AGBL1: variants seen among roughly 807,000 people sequenced by gnomAD.
AGBL1 encodes AGBL carboxypeptidase 1.
Under a neutral mutation model 118.9 loss-of-function variants are expected in AGBL1, and 130 were observed. The observed-to-expected ratio is 1.09, with a 90% CI of 0.95 to 1.26. The LOEUF is 1.26. Among genes scored for constraint, AGBL1 ranks in the 50% most tolerant of loss-of-function variants. The pLI, the probability that AGBL1 is intolerant of heterozygous loss-of-function variation, is 0.00. For missense variants in AGBL1, 1,584 were observed against 1,298.1 expected, an observed-to-expected ratio of 1.22 and a Z score of -3.38; for synonymous variants, 555 against 478.9, an observed-to-expected ratio of 1.16 and a Z score of -2.08.
intron 7 of AGBL1, among the ~76,000 whole-genome samples, chr15:86,250,525 C>CAAAAAAAAA (rs60432449): frequency 7.7e-5 from 3 of 38,972 alleles, no homozygotes; most frequent in African/African-American, 1.9e-4. Flanking sequence ...GACTCTGTCT[C>CAAAAAAAAA]AAAAAAAAAA....
chr15:86,202,252 C>A (rs2077919432), intron 5 of AGBL1, among the ~76,000 whole-genome samples: 1 of 152,158 alleles, frequency 6.6e-6, no homozygotes, highest in Non-Finnish European at 1.5e-5. Context: ...AAGACTGTGC[C>A]ACTACACTTC....
At chr15:86,798,122 G>A (rs1334873024) in intron 22 of AGBL1, among the ~76,000 whole-genome samples, 1 of 152,162 alleles carries the variant, frequency 6.6e-6, no homozygotes, top group Non-Finnish European at 1.5e-5. Context: ...CCATTAGACT[G>A]CAGACCATAG....
At chr15:86,860,306 C>G (rs952858615) in intron 22 of AGBL1, among the ~76,000 whole-genome samples, 1 of 152,034 alleles carries the variant, frequency 6.6e-6, no homozygotes, top group South Asian at 2.1e-4. Context: ...CTAGACATAG[C>G]CATTATCATT....
rs916963135 is a variant in AGBL1 at position 86,700,353 on chromosome 15, T to C, written c.3158+25917T>C. Among the ~76,000 whole-genome samples the C allele has an allele frequency of 2.6e-5, 4 of 152,092 alleles. No homozygotes were observed. In the East Asian group the frequency reaches 7.7e-4, roughly 29 times the overall value. On this transcript the variant is annotated intron_variant, in intron 22 of 22. Coordinates refer to ENST00000614907, the MANE Select transcript of AGBL1 (RefSeq NM_001386094.1). ...TATGTTCTAGGTTCATCTTGTACAT[T>C]CCCCAATTCATCTCTAGAATCACCC...
At chr15:86,430,524 C>CT (rs1156422087) in intron 18 of AGBL1, among the ~76,000 whole-genome samples, 2 of 150,008 alleles carry the variant, frequency 1.3e-5, no homozygotes, top group African/African-American at 4.9e-5. Flanking sequence ...GTGTGTGTAA[C>CT]TTTTGCCAAG....
At chr15:86,230,576 C>T (rs138195405) in intron 6 of AGBL1, among the ~76,000 whole-genome samples, 22 of 152,166 alleles carry the variant, frequency 1.4e-4, no homozygotes, top group Non-Finnish European at 2.9e-4. Context: ...GAATGATGCC[C>T]CCAAAGTTTT....
chr15:86,182,826 C>A (rs1310841398), intron 5 of AGBL1, among the ~76,000 whole-genome samples: 2 of 151,906 alleles, frequency 1.3e-5, no homozygotes, highest in Non-Finnish European at 2.9e-5. Flanking sequence ...AAAAGGAAAC[C>A]CTAGTAGTAC....
chr15:86,635,040 T>TA (rs1327922304), intron 21 of AGBL1, among the ~76,000 whole-genome samples: 1 of 152,166 alleles, frequency 6.6e-6, no homozygotes, highest in Non-Finnish European at 1.5e-5. Context: ...ACAAAACTGA[T>TA]AAAATTGTTT....
intron 5 of AGBL1, among the ~76,000 whole-genome samples, chr15:86,162,796 C>G (rs996918937): frequency 1.3e-5 from 2 of 152,198 alleles, no homozygotes; most frequent in Non-Finnish European, 2.9e-5. Context: ...TTCCAGCCAG[C>G]TATCTCTGAG....
At chr15:87,021,175 A>G (rs1326721126) in intron 24 of AGBL1, among the ~76,000 whole-genome samples, 2 of 152,140 alleles carry the variant, frequency 1.3e-5, no homozygotes, top group South Asian at 2.1e-4. Flanking sequence ...GGAACAGAGT[A>G]GAGAACTCAG....
intron 21 of AGBL1, among the ~76,000 whole-genome samples, chr15:86,657,626 A>AC (rs2085481370): frequency 1.3e-5 from 2 of 152,132 alleles, no homozygotes; most frequent in African/African-American, 2.4e-5. Flanking sequence ...ACATTTTCAA[A>AC]CCCCTAGTTA....
At position 86,256,881 on chromosome 15, in the gene AGBL1, C is replaced by T; in HGVS notation, c.764C>T (p.Pro255Leu). 6.2e-7 allele frequency: 1 copy of T among 1,613,848 alleles called. No homozygotes were observed. The highest frequency in any genetic ancestry group is 8.5e-7 in the Non-Finnish European group (1 of 1,179,850). The change falls in exon 8 of 23, where the codon CCC (proline) becomes CTC (leucine). Residue 255 changes from proline to leucine, a missense_variant. Physicochemically the swap from Pro to Leu is moderately conservative, Grantham distance 98. Transcript: ENST00000614907. ...QNCLDDKSMEPVISVVLQILR... is the reference protein window; with the variant it reads ...QNCLDDKSMELVISVVLQILR... ...TGCCTGGATGACAAGAGCATGGAGCCCGTCATCTCTGTGGTGCTTCAGATC... is the reference window on the plus strand; with the variant it reads ...TGCCTGGATGACAAGAGCATGGAGCTCGTCATCTCTGTGGTGCTTCAGATC...
intron 21 of AGBL1, among the ~76,000 whole-genome samples, chr15:86,563,373 C>A (rs1387493257): frequency 1.3e-5 from 2 of 152,140 alleles, no homozygotes; most frequent in Admixed American, 1.3e-4. Context: ...CAAAGAACAT[C>A]TTTATTTCTG....
intron 22 of AGBL1, among the ~76,000 whole-genome samples, chr15:86,796,028 T>C (rs1179912696): frequency 1.3e-5 from 2 of 152,058 alleles, no homozygotes; most frequent in South Asian, 2.1e-4. Flanking sequence ...AGCAGTCTTC[T>C]TACATGTGTC....
chr15:86,165,612 T>C (rs2077330127), intron 5 of AGBL1, among the ~76,000 whole-genome samples: 1 of 152,170 alleles, frequency 6.6e-6, no homozygotes, highest in Non-Finnish European at 1.5e-5. Context: ...AGTTACTGAA[T>C]TCCCCCTGGG....
At chr15:86,596,611 A>G (rs1349215008) in intron 21 of AGBL1, among the ~76,000 whole-genome samples, 1 of 152,052 alleles carries the variant, frequency 6.6e-6, no homozygotes, top group East Asian at 1.9e-4. Context: ...TTCCCCAGAG[A>G]TATACTTGGC....
At chr15:86,937,762 T>C (rs923205970) in intron 23 of AGBL1, among the ~76,000 whole-genome samples, 1 of 152,222 alleles carries the variant, frequency 6.6e-6, no homozygotes, top group Admixed American at 6.5e-5. Context: ...TGAGTTTACC[T>C]ATGTGGCAAA....
intron 6 of AGBL1, among the ~76,000 whole-genome samples, chr15:86,246,261 T>TG (rs2078719572): frequency 6.6e-6 from 1 of 152,104 alleles, no homozygotes; most frequent in South Asian, 2.1e-4. Context: ...TAAAGTTAGT[T>TG]GGGGTGTGTG....
At chr15:86,604,357 G>A (rs1322338144) in intron 21 of AGBL1, among the ~76,000 whole-genome samples, 3 of 152,146 alleles carry the variant, frequency 2.0e-5, no homozygotes, top group African/African-American at 7.2e-5. Context: ...GTGAAAGAAG[G>A]TAATATTTTC....
Sources: gnomAD v4.1 joint callset for allele counts (sites outside exome capture counted in the v4.1 genomes callset) on GRCh38, gnomAD v4.1.1 for gene constraint, MANE v1.5 for transcripts, NCBI Gene and HGNC (gene_info 2026-07-23, HGNC 2026-07-21) for gene names.